Variants in MGAT4C observed in about 807,000 individuals in gnomAD.
The protein encoded by MGAT4C is alpha-1,3-mannosyl-glycoprotein 4-beta-N-acetylglucosaminyltransferase C.
Under a neutral mutation model 40.1 loss-of-function variants are expected in MGAT4C, and 19 were observed. That is an observed-to-expected ratio of 0.47 (90% confidence interval 0.33 to 0.70). The LOEUF (loss-of-function observed/expected upper bound fraction) is 0.70. MGAT4C is among the 30% of genes least tolerant of loss of function. The pLI, the probability that MGAT4C is intolerant of heterozygous loss-of-function variation, is 0.02. For missense variants in MGAT4C, 491 were observed against 563.2 expected (o/e 0.87, Z 1.30); for synonymous variants, 181 against 187.1 (o/e 0.97, Z 0.27).
In MGAT4C at chr12:85,963,046, C is replaced by A. The variant is rs1483270059; in HGVS notation, c.*16243G>T. ...ATTTAATTAATATAAACAATAAATT[C>A]ACTTAAACAACTATTTACATGCAAA... On this transcript the variant is annotated 3_prime_UTR_variant, in exon 5 of 5. Coordinates refer to ENST00000611864, the MANE Select transcript of MGAT4C (RefSeq NM_001351288.2). 1 of 151,746 alleles carries A rather than the reference C, an allele frequency of 6.6e-6. No homozygotes were observed. Among genetic ancestry groups the A allele is most frequent in the East Asian group, 1.9e-4 (1 of 5,184 alleles). The allele number at this position is 151,746 out of a possible 1,614,324, so 9.4% of individuals were successfully genotyped here.
chr12:86,563,712 T>C (rs1429003093), intron 2 of MGAT4C, among the ~76,000 whole-genome samples: 1 of 152,190 alleles, frequency 6.6e-6, no homozygotes, highest in Non-Finnish European at 1.5e-5. Context: ...TGGGAACTAC[T>C]GGACACTGGC....
Position 86,721,811 on chromosome 12 carries a change from T to C in MGAT4C, c.-229+5398A>G, listed in dbSNP as rs140135744. Among the ~76,000 whole-genome samples, 68 of 152,248 alleles carry C rather than the reference T, an allele frequency of 4.5e-4. No individual in the cohort carries two copies. In the East Asian group the frequency reaches 0.011, roughly 24 times the overall value. ...CAGAGGGTCCAAGCTGGGTCCCTGA[T>C]TGTTTAAGTCTATTTATGTAGCACG... On this transcript the variant is annotated intron_variant, in intron 2 of 7. Transcript: ENST00000548651.
intron 2 of MGAT4C, among the ~76,000 whole-genome samples, chr12:86,624,439 C>A (rs1320098897): frequency 6.6e-6 from 1 of 151,960 alleles, no homozygotes; most frequent in Non-Finnish European, 1.5e-5. Context: ...AAACAGAGAC[C>A]CTTAACAGAG....
intron 2 of MGAT4C, among the ~76,000 whole-genome samples, chr12:86,032,007 A>T (rs1010489039): frequency 2.0e-5 from 3 of 152,064 alleles, no homozygotes; most frequent in Middle Eastern, 6.8e-3. Flanking sequence ...ACAAGTGAGA[A>T]CAGGTAGTAT....
At chr12:86,215,772 A>G (rs181357267) in intron 1 of MGAT4C, among the ~76,000 whole-genome samples, 192 of 152,156 alleles carry the variant, frequency 1.3e-3, no homozygotes, top group Admixed American at 2.0e-3. Context: ...TTTTGTGTCA[A>G]AAGTGGGGTC....
At chr12:86,763,206 G>A (rs377615065) in intron 1 of MGAT4C, among the ~76,000 whole-genome samples, 21 of 152,200 alleles carry the variant, frequency 1.4e-4, no homozygotes, top group African/African-American at 3.4e-4. Context: ...AGTGACAAGC[G>A]GAATGGCAAA....
chr12:86,644,677 T>TGACGAATAGATC (rs1963485845), intron 2 of MGAT4C, among the ~76,000 whole-genome samples: 1 of 151,730 alleles, frequency 6.6e-6, no homozygotes. Flanking sequence ...AATTGTAGAC[T>TGACGAATAGATC]GACGAATAGA....
At chr12:86,362,711 A>G (rs901297407) in intron 3 of MGAT4C, among the ~76,000 whole-genome samples, 7 of 151,660 alleles carry the variant, frequency 4.6e-5, no homozygotes, top group Admixed American at 1.3e-4. Flanking sequence ...AAAATACAAA[A>G]AAAAAATTAG....
chr12:86,323,762 T>C (rs79059557), intron 4 of MGAT4C, among the ~76,000 whole-genome samples: 4,547 of 152,054 alleles, frequency 0.03, 120 homozygotes, highest in Non-Finnish European at 0.049. Context: ...TGCCTTCTCA[T>C]TGAAACATTT....
chr12:86,557,704 C>G (rs943428036), intron 2 of MGAT4C, among the ~76,000 whole-genome samples: 25 of 152,140 alleles, frequency 1.6e-4, no homozygotes, highest in Middle Eastern at 3.2e-3. Context: ...TAAACAAACA[C>G]TATAAATATA....
At chr12:86,718,558 T>C (rs1049369826) in intron 2 of MGAT4C, among the ~76,000 whole-genome samples, 1 of 152,118 alleles carries the variant, frequency 6.6e-6, no homozygotes, top group Non-Finnish European at 1.5e-5. Context: ...ATATGGTTTC[T>C]TTACTTGATC....
At chr12:86,800,921 A>T (rs1020783401) in intron 1 of MGAT4C, among the ~76,000 whole-genome samples, 3 of 151,916 alleles carry the variant, frequency 2.0e-5, no homozygotes, top group African/African-American at 7.2e-5. Context: ...CCCATGTTCT[A>T]TATCTAATTG....
intron 2 of MGAT4C, among the ~76,000 whole-genome samples, chr12:86,561,157 C>T (rs941801750): frequency 2.0e-5 from 3 of 152,066 alleles, no homozygotes; most frequent in African/African-American, 7.2e-5. Context: ...ACATATTACA[C>T]AAAACAATCA....
intron 1 of MGAT4C, among the ~76,000 whole-genome samples, chr12:86,828,080 G>A (rs555823842): frequency 6.6e-6 from 1 of 150,770 alleles, no homozygotes; most frequent in South Asian, 2.1e-4. Flanking sequence ...AATGGTAGTA[G>A]GAAAAATTAA....
intron 1 of MGAT4C, among the ~76,000 whole-genome samples, chr12:86,782,556 A>T (rs1330172959): frequency 6.6e-6 from 1 of 152,174 alleles, no homozygotes; most frequent in Non-Finnish European, 1.5e-5. Context: ...TGTTGTTATT[A>T]GTAGTGTAAA....
intron 1 of MGAT4C, among the ~76,000 whole-genome samples, chr12:86,243,018 A>G (rs977290566): frequency 2.0e-5 from 3 of 152,222 alleles, no homozygotes; most frequent in African/African-American, 7.2e-5. Flanking sequence ...CCTCTTCTTC[A>G]ATAATGGGTT....
intron 3 of MGAT4C, among the ~76,000 whole-genome samples, chr12:86,427,643 A>G (rs1414203284): frequency 6.6e-6 from 1 of 152,178 alleles, no homozygotes; most frequent in African/African-American, 2.4e-5. Flanking sequence ...TTCCATTTAT[A>G]CTTGTGGAAA....
intron 1 of MGAT4C, among the ~76,000 whole-genome samples, chr12:86,747,695 A>G (rs1951172442): frequency 6.6e-6 from 1 of 151,664 alleles, no homozygotes; most frequent in Non-Finnish European, 1.5e-5. Context: ...CTAAACATGC[A>G]GACATGTCTT....
chr12:86,695,521 T>C (rs1396116431), intron 2 of MGAT4C, among the ~76,000 whole-genome samples: 1 of 152,182 alleles, frequency 6.6e-6, no homozygotes, highest in Non-Finnish European at 1.5e-5. Flanking sequence ...GTAACCTAAA[T>C]GTCCATCAAC....
Sources: gnomAD v4.1 joint callset for allele counts (sites outside exome capture counted in the v4.1 genomes callset) on GRCh38, gnomAD v4.1.1 for gene constraint, MANE v1.5 for transcripts, NCBI Gene and HGNC (gene_info 2026-07-23, HGNC 2026-07-21) for gene names.